SGCZ: variants seen among roughly 807,000 people sequenced by gnomAD.
SGCZ encodes the protein sarcoglycan zeta.
Under a neutral mutation model 41.3 loss-of-function variants are expected in SGCZ, and 40 were observed. The ratio of observed to expected loss-of-function variants is 0.97; its 90% CI spans 0.75 to 1.26. The LOEUF (loss-of-function observed/expected upper bound fraction) is 1.26. Ranked by LOEUF, SGCZ falls within the 50% of genes most tolerant of loss-of-function variation. The probability of loss-of-function intolerance (pLI) is 0.00; values close to 1 mark genes in which losing one functional copy is unlikely to be tolerated. For synonymous variants in SGCZ, 206 were observed against 137.5 expected (o/e 1.50, Z -3.49); for missense variants, 552 against 369.8 (o/e 1.49, Z -4.04).
intron 5 of SGCZ, among the ~76,000 whole-genome samples, chr8:14,136,821 A>C (rs1382865989): frequency 6.6e-6 from 1 of 152,166 alleles, no homozygotes; most frequent in Non-Finnish European, 1.5e-5. Context: ...ATGGAGTTTG[A>C]GATCTGAGAA....
At chr8:14,487,682 T>C (rs1585581471) in intron 2 of SGCZ, 1 of 152,268 alleles carries the variant, frequency 6.6e-6, no homozygotes, top group African/African-American at 2.4e-5. Flanking sequence ...GAAATTTCTT[T>C]GGCCAGGTGC....
At chr8:14,617,549 A>C (rs1025398347) in intron 1 of SGCZ, among the ~76,000 whole-genome samples, 5 of 152,148 alleles carry the variant, frequency 3.3e-5, no homozygotes, top group African/African-American at 1.2e-4. Flanking sequence ...TTTTGGCAAA[A>C]ACCCAGGGCT....
intron 2 of SGCZ, among the ~76,000 whole-genome samples, chr8:14,484,010 C>T (rs946974481): frequency 6.6e-6 from 1 of 152,158 alleles, no homozygotes; most frequent in African/African-American, 2.4e-5. Flanking sequence ...GCAGTTTCTA[C>T]ACCTTAATGA....
chr8:14,787,465 T>C (rs35077634), intron 1 of SGCZ, among the ~76,000 whole-genome samples: 64,914 of 151,786 alleles, frequency 0.43, 14,630 homozygotes, highest in East Asian at 0.52. Flanking sequence ...AAATAAAAAG[T>C]TGTAAACTTT....
chr8:14,712,581 G>A (rs749301524), intron 1 of SGCZ, among the ~76,000 whole-genome samples: 11 of 152,158 alleles, frequency 7.2e-5, no homozygotes, highest in African/African-American at 2.7e-4. Context: ...GTATCTCTGA[G>A]ATGGAAGCAA....
At chr8:14,907,945 T>C (rs1052067192) in intron 1 of SGCZ, among the ~76,000 whole-genome samples, 10 of 152,204 alleles carry the variant, frequency 6.6e-5, no homozygotes, top group African/African-American at 2.2e-4. Flanking sequence ...AATTAACTAA[T>C]GCATTTTAGA....
chr8:14,171,697 T>C (rs1361431975), intron 4 of SGCZ, among the ~76,000 whole-genome samples: 1 of 152,042 alleles, frequency 6.6e-6, no homozygotes, highest in Non-Finnish European at 1.5e-5. Flanking sequence ...AGAGTTTCTA[T>C]CTTTTCTTGA....
intron 2 of SGCZ, among the ~76,000 whole-genome samples, chr8:14,435,113 A>T (rs913401528): frequency 6.6e-6 from 1 of 152,204 alleles, no homozygotes; most frequent in African/African-American, 2.4e-5. Context: ...ATATTAATAA[A>T]AGCGTGATAT....
chr8:15,066,910 A>G (rs1320675308), intron 1 of SGCZ, among the ~76,000 whole-genome samples: 2 of 152,188 alleles, frequency 1.3e-5, no homozygotes, highest in Non-Finnish European at 2.9e-5. Flanking sequence ...AGCAAATACA[A>G]TCTCTCTCAA....
At chr8:15,065,312 T>C (rs1281070527) in intron 1 of SGCZ, among the ~76,000 whole-genome samples, 1 of 152,068 alleles carries the variant, frequency 6.6e-6, no homozygotes, top group African/African-American at 2.4e-5. Context: ...GAAGATTCTT[T>C]CCATGTTAAA....
intron 7 of SGCZ, among the ~76,000 whole-genome samples, chr8:14,099,825 C>T (rs895465853): frequency 3.3e-5 from 5 of 152,156 alleles, no homozygotes; most frequent in Non-Finnish European, 7.3e-5. Context: ...ATTCTCCATA[C>T]AATTACAATT....
intron 1 of SGCZ, among the ~76,000 whole-genome samples, chr8:14,673,453 TCTCTCTCTCTCA>T (rs1194031953): frequency 2.0e-5 from 3 of 152,058 alleles, no homozygotes; most frequent in Non-Finnish European, 2.9e-5. Flanking sequence ...GCTGTCTCTC[TCTCTCTCTCTCA>T]CTCTCTCTCT....
intron 1 of SGCZ, among the ~76,000 whole-genome samples, chr8:14,948,273 T>C (rs1041354565): frequency 2.0e-5 from 3 of 152,166 alleles, no homozygotes; most frequent in South Asian, 2.1e-4. Context: ...CTTTGAATTA[T>C]AATAAGATGA....
At chr8:14,189,499 A>G (rs1805021780) in intron 4 of SGCZ, among the ~76,000 whole-genome samples, 2 of 152,154 alleles carry the variant, frequency 1.3e-5, no homozygotes, top group South Asian at 4.1e-4. Context: ...TGACTTTGCT[A>G]CACACACAGG....
In SGCZ at chr8:14,234,623, T is replaced by C. The variant is rs539882720; in HGVS notation, c.424+2969A>G. On this transcript the variant is annotated intron_variant, in intron 4 of 7. Transcript: ENST00000382080. ...GCTAATTTTTTTAATATTGCAAAAA[T>C]AGTATCATGACTGTACTATAACCAA... is the stretch of plus-strand genomic sequence containing the variant. Among the ~76,000 whole-genome samples the C allele has an allele frequency of 4.6e-5, 7 of 152,088 alleles. No homozygotes were observed. In the South Asian group the frequency reaches 1.5e-3, roughly 32 times the overall value.
chr8:14,404,084 C>G (rs1799148320), intron 2 of SGCZ, among the ~76,000 whole-genome samples: 1 of 152,084 alleles, frequency 6.6e-6, no homozygotes, highest in Admixed American at 6.6e-5. Context: ...AGAGAATAGA[C>G]AATATGAGAT....
chr8:14,735,314 G>A lies in SGCZ; in HGVS notation c.40-180388C>T, dbSNP rs575739641. ...TAATATTTGAGTCAGTGGACTAGGA[G>A]AAGAAGACCCACTCTCGATGTGGGT... On this transcript the variant is annotated intron_variant, in intron 1 of 7. Transcript: ENST00000382080. Among the ~76,000 whole-genome samples, 7 of 152,290 alleles carry A rather than the reference G, an allele frequency of 4.6e-5. No homozygotes were observed. The South Asian group carries it at 1.4e-3, about 32-fold the overall frequency.
chr8:14,108,215 C>T lies in SGCZ; in HGVS notation c.568G>A (p.Gly190Arg). The change falls in exon 6 of 8, where the codon GGG becomes AGG. Residue 190 changes from glycine (G) to arginine (R), a missense_variant. Physicochemically the swap from Gly to Arg is moderately radical, Grantham distance 125. Transcript: ENST00000382080. ...KVTGTEGAVF[G>R]HSVETPHIRA... ...ATGTGCGGCGTCTCCACAGAGTGCC[C>T]AAATACGGCTCCTTCAGTGCCTGGG... 6.2e-7 allele frequency: 1 copy of T among 1,614,036 alleles called. No homozygotes were observed. The highest frequency in any genetic ancestry group is 8.5e-7 in the Non-Finnish European group (1 of 1,180,000).
intron 4 of SGCZ, among the ~76,000 whole-genome samples, chr8:14,228,299 T>C (rs950824628): frequency 3.3e-5 from 5 of 152,110 alleles, no homozygotes; most frequent in Non-Finnish European, 5.9e-5. Flanking sequence ...ATATAAGCTA[T>C]AGACTCATTA....
Sources: allele counts gnomAD v4.1 joint callset (sites outside exome capture counted in the v4.1 genomes callset), GRCh38; gene constraint gnomAD v4.1.1; transcripts MANE v1.5; gene names NCBI Gene and HGNC (gene_info 2026-07-23, HGNC 2026-07-21).